XAGE3: variants seen among roughly 807,000 people sequenced by gnomAD.
XAGE3 encodes the protein CT12.3.
XAGE3 carries 6 observed loss-of-function variants against 9.2 expected under a neutral mutation model. The observed-to-expected ratio is 0.65, with a 90% CI of 0.36 to 1.29. The LOEUF (loss-of-function observed/expected upper bound fraction) is 1.29. Ranked by LOEUF, XAGE3 falls within the 50% of genes most tolerant of loss-of-function variation. The pLI, the probability that XAGE3 is intolerant of heterozygous loss-of-function variation, is 0.03. For missense variants in XAGE3, 70 were observed against 82.8 expected (o/e 0.85, Z 0.60); for synonymous variants, 26 against 28.2 (o/e 0.92, Z 0.25).
Position 52,862,586 on chromosome X carries a change from A to G in XAGE3, c.*32T>C. On this transcript the variant is annotated 3_prime_UTR_variant, in exon 5 of 5. Transcript: ENST00000346279. Reference sequence around the variant, plus strand: ...TTTTAAGTCAAATATCTTAGATAAAAACAGTTTTGTGTTGTTTCAGCTTGT... The same window carrying G: ...TTTTAAGTCAAATATCTTAGATAAAGACAGTTTTGTGTTGTTTCAGCTTGT... 8.3e-7 allele frequency: 1 copy of G among 1,206,000 alleles called. No homozygotes were observed. The highest frequency in any genetic ancestry group is 1.1e-6 in the Non-Finnish European group (1 of 892,964).
intron 3 of XAGE3, among the ~76,000 whole-genome samples, 155 bp from the exon 4 acceptor site, chrX:52,865,055 A>G: frequency 8.9e-6 from 1 of 112,208 alleles, no homozygotes; most frequent in Middle Eastern, 4.6e-3. Flanking sequence ...GTTTTCCTGT[A>G]CTATGAAATC....
chrX:52,866,968 A>T, intron 2 of XAGE3, 85 bp downstream of exon 2: 2 of 969,675 alleles, frequency 2.1e-6, no homozygotes, highest in Non-Finnish European at 3.0e-6. Flanking sequence ...GTTCAACAAC[A>T]ATTACAAAAC....
At chrX:52,863,183 T>A (rs1396914730) in intron 4 of XAGE3, among the ~76,000 whole-genome samples, 1 of 112,265 alleles carries the variant, frequency 8.9e-6, no homozygotes. Context: ...TCCAAAAATA[T>A]TGCTTGGGGC....
intron 1 of XAGE3, among the ~76,000 whole-genome samples, chrX:52,867,520 T>C (rs1422260839): frequency 9.0e-6 from 1 of 111,255 alleles, no homozygotes; most frequent in Non-Finnish European, 1.9e-5. Flanking sequence ...TTTGTTGGAA[T>C]GCAGAGCCCC....
intron 4 of XAGE3, 73 bp from the exon 5 acceptor site, chrX:52,862,713 G>A: frequency 8.6e-7 from 1 of 1,169,105 alleles, no homozygotes; most frequent in Non-Finnish European, 1.2e-6. Flanking sequence ...GGTAGGCAAA[G>A]GACACCAAAG....
At chrX:52,863,769 G>T (rs1463325425) in intron 4 of XAGE3, among the ~76,000 whole-genome samples, 1 of 111,693 alleles carries the variant, frequency 9.0e-6, no homozygotes, top group African/African-American at 3.2e-5. Context: ...TTTTTCAAAA[G>T]AACAATCTTT....
chrX:52,866,281 T>C lies in XAGE3; in HGVS notation c.187+152A>G, dbSNP rs1299385376. 5.4e-6 allele frequency: 3 copies of C among 555,761 alleles called. No individual in the cohort carries two copies. The African/African-American group carries it at 6.8e-5, about 13-fold the overall frequency. The allele number at this position is 555,761 out of a possible 1,213,427, so 45.8% of individuals were successfully genotyped here. A position where few individuals can be genotyped will look rare whatever the true frequency, so the allele number is the denominator to read the frequency against. Reference sequence around the variant, plus strand: ...ATTATATCCATGAAGCTGCAAACTATACTCTTCACTTTTCCAGCCAACTCT... The same window carrying C: ...ATTATATCCATGAAGCTGCAAACTACACTCTTCACTTTTCCAGCCAACTCT... On this transcript the variant is annotated intron_variant, in intron 3 of 4. Transcript: ENST00000346279.
At chrX:52,863,992 C>A (rs1377892030) in intron 4 of XAGE3, among the ~76,000 whole-genome samples, 1 of 111,659 alleles carries the variant, frequency 9.0e-6, no homozygotes, top group African/African-American at 3.3e-5. Context: ...GCTCAATGGG[C>A]TCCTGGAAAT....
At chrX:52,865,834 A>G (rs1927871421) in intron 3 of XAGE3, among the ~76,000 whole-genome samples, 1 of 112,078 alleles carries the variant, frequency 8.9e-6, no homozygotes, top group South Asian at 3.7e-4. Context: ...TACAGTACAG[A>G]CACATTTGAG....
chrX:52,864,139 ATT>A (rs1927826923), intron 4 of XAGE3, among the ~76,000 whole-genome samples: 1 of 112,395 alleles, frequency 8.9e-6, no homozygotes, highest in Non-Finnish European at 1.9e-5. Context: ...ACAGTCATCA[ATT>A]TGGAAAATAT....
At chrX:52,863,942 C>A (rs1323239917) in intron 4 of XAGE3, among the ~76,000 whole-genome samples, 1 of 111,575 alleles carries the variant, frequency 9.0e-6, no homozygotes, top group Non-Finnish European at 1.9e-5. Flanking sequence ...TAACAAGATA[C>A]TCACTTAAGA....
At chrX:52,866,794 T>G (rs188866847) in intron 2 of XAGE3, among the ~76,000 whole-genome samples, 1 of 111,714 alleles carries the variant, frequency 9.0e-6, no homozygotes, top group African/African-American at 3.3e-5. Context: ...GTGTAATCTT[T>G]TGCAAATAAG....
At chrX:52,864,922 G>T (rs370460907) in intron 3 of XAGE3, 22 bp from the exon 4 acceptor site, 2 of 1,204,667 alleles carry the variant, frequency 1.7e-6, no homozygotes, top group African/African-American at 3.5e-5. Flanking sequence ...AAAGGTTGTC[G>T]ATTGAAGCAG....
chrX:52,865,793 T>C (rs1456862186), intron 3 of XAGE3, among the ~76,000 whole-genome samples: 15 of 112,071 alleles, frequency 1.3e-4, no homozygotes, highest in African/African-American at 4.9e-4. Flanking sequence ...TCACTGAACT[T>C]TGTTTTGTCC....
Position 52,864,760 on chromosome X carries a change from T to C in XAGE3, c.313+15A>G. 9.1e-6 allele frequency: 11 copies of C among 1,210,019 alleles called. No homozygotes were observed. The highest frequency in any genetic ancestry group is 1.2e-5 in the Non-Finnish European group (11 of 894,078). ...ATTGTGGAAAACAGAAAGCACATAA[T>C]AATGGATAGCATACCTCCTTCTGGC... On this transcript the variant is annotated intron_variant, in intron 4 of 4. Transcript: ENST00000346279.
rs782094359 is a variant in XAGE3 at position 52,862,557 on chromosome X, A to G, written c.*61T>C. ...GAGAAAGCTGCAAAAGTTTATTTCG[A>G]TATTTTTAAGTCAAATATCTTAGAT... On this transcript the variant is annotated 3_prime_UTR_variant, in exon 5 of 5. Coordinates refer to ENST00000346279, the MANE Select transcript of XAGE3 (RefSeq NM_133179.3). 24 of 1,184,667 alleles carry G rather than the reference A, an allele frequency of 2.0e-5. No individual in the cohort carries two copies. In the African/African-American group the frequency reaches 3.5e-4, roughly 18 times the overall value.
intron 1 of XAGE3, 132 bp from the exon 2 acceptor site, chrX:52,867,273 G>A: frequency 1.9e-6 from 1 of 530,095 alleles, no homozygotes; most frequent in Non-Finnish European, 3.1e-6. Flanking sequence ...CTCAGGGCAA[G>A]TGTAAGTATG....
chrX:52,866,223 T>C (rs1263901181), intron 3 of XAGE3, among the ~76,000 whole-genome samples: 1 of 112,192 alleles, frequency 8.9e-6, no homozygotes, highest in Non-Finnish European at 1.9e-5. Flanking sequence ...TTTTCAAGCA[T>C]ACGAAATATA....
At chrX:52,865,490 A>G (rs1399977908) in intron 3 of XAGE3, among the ~76,000 whole-genome samples, 2 of 112,042 alleles carry the variant, frequency 1.8e-5, no homozygotes, top group African/African-American at 6.5e-5. Flanking sequence ...ACCCCTTAAC[A>G]GTGAATTGCT....
Sources: gnomAD v4.1 joint callset for allele counts (sites outside exome capture counted in the v4.1 genomes callset) on GRCh38, gnomAD v4.1.1 for gene constraint, MANE v1.5 for transcripts, NCBI Gene and HGNC (gene_info 2026-07-23, HGNC 2026-07-21) for gene names.